GTF2IRD1: variants seen among roughly 807,000 people sequenced by gnomAD.
The protein encoded by GTF2IRD1 is general transcription factor II-I repeat domain-containing protein 1.
In GTF2IRD1, 26 loss-of-function variants were observed where a neutral mutation model predicts 113.2. That is an observed-to-expected ratio of 0.23 (90% confidence interval 0.17 to 0.32). GTF2IRD1 has a LOEUF of 0.32. GTF2IRD1 is among the 10% of genes least tolerant of loss of function. The pLI, the probability that GTF2IRD1 is intolerant of heterozygous loss-of-function variation, is 1.00. For missense variants in GTF2IRD1, 864 were observed against 1,280.8 expected, an observed-to-expected ratio of 0.67 and a Z score of 4.97; for synonymous variants, 484 against 529.1, an observed-to-expected ratio of 0.91 and a Z score of 1.17.
At chr7:74,473,166 C>T (rs1794205671) in intron 1 of GTF2IRD1, among the ~76,000 whole-genome samples, 2 of 152,140 alleles carry the variant, frequency 1.3e-5, no homozygotes, top group African/African-American at 4.8e-5. Flanking sequence ...CAGGTAGATC[C>T]CAGCAAATGC....
chr7:74,476,366 C>CATTTTTTTTTTT, intron 1 of GTF2IRD1, among the ~76,000 whole-genome samples: 1 of 122,166 alleles, frequency 8.2e-6, no homozygotes, highest in South Asian at 2.6e-4. Context: ...TCTGAACCTC[C>CATTTTTTTTTTT]TTTTTTTTTT....
chr7:74,490,661 G>A (rs1554336503), intron 1 of GTF2IRD1, among the ~76,000 whole-genome samples: 1 of 152,024 alleles, frequency 6.6e-6, no homozygotes, highest in East Asian at 1.9e-4. Context: ...TGTTTGGGTG[G>A]GGTGTGTGCC....
Position 74,558,936 on chromosome 7 carries a change from T to C in GTF2IRD1, c.2183T>C (p.Ile728Thr). ...RIKSNPGSVI[I>T]EGLPPGIPFR... Reference sequence around the variant, plus strand: ...AAGAGTAACCCCGGCTCCGTGATCATCGAGGGGCTGCCCCCAGGAATCCCG... The same window carrying C: ...AAGAGTAACCCCGGCTCCGTGATCACCGAGGGGCTGCCCCCAGGAATCCCG... The change falls in exon 21 of 27, where the codon ATC (isoleucine) becomes ACC (threonine). Residue 728 changes from isoleucine (I) to threonine (T), a missense_variant. Ile to Thr is a moderately conservative substitution (Grantham distance 89, BLOSUM62 -1). Transcript: ENST00000424337. 6.2e-7 allele frequency: 1 copy of C among 1,614,054 alleles called. No homozygotes were observed. Among genetic ancestry groups the C allele is most frequent in the East Asian group, 2.2e-5 (1 of 44,852 alleles).
intron 6 of GTF2IRD1, 130 bp from the exon 7 acceptor site, chr7:74,521,078 G>A: frequency 3.3e-6 from 2 of 601,866 alleles, no homozygotes; most frequent in Non-Finnish European, 5.9e-6. Context: ...TGTGATCACA[G>A]GAATCAGTTA....
Position 74,461,874 on chromosome 7 carries a change from C to T in GTF2IRD1, c.-7+7698C>T, listed in dbSNP as rs574667201. Among the ~76,000 whole-genome samples the T allele has an allele frequency of 3.3e-5, 5 of 152,234 alleles. No individual in the cohort carries two copies. The South Asian group carries it at 8.3e-4, about 25-fold the overall frequency. Reference sequence around the variant, plus strand: ...GATTACAGGCGTGAGCCACTGTGTCCGGCCCCACTTTATATTTTATTAAAA... The same window carrying T: ...GATTACAGGCGTGAGCCACTGTGTCTGGCCCCACTTTATATTTTATTAAAA... On this transcript the variant is annotated intron_variant, in intron 1 of 26. Transcript: ENST00000424337.
chr7:74,520,624 C>T (rs1016850435), intron 6 of GTF2IRD1, among the ~76,000 whole-genome samples: 3 of 151,602 alleles, frequency 2.0e-5, no homozygotes, highest in African/African-American at 7.3e-5. Flanking sequence ...CCAATGTGCT[C>T]AAGTTTGAGA....
At chr7:74,571,968 A>G (rs1420952187) in intron 22 of GTF2IRD1, among the ~76,000 whole-genome samples, 1 of 152,198 alleles carries the variant, frequency 6.6e-6, no homozygotes, top group Non-Finnish European at 1.5e-5. Context: ...GCTGTGGGTG[A>G]AATGCCTGCC....
intron 1 of GTF2IRD1, among the ~76,000 whole-genome samples, chr7:74,485,509 C>T (rs1021020596): frequency 6.6e-6 from 1 of 151,934 alleles, no homozygotes; most frequent in African/African-American, 2.4e-5. Context: ...CCCAGCTACT[C>T]GGGAGGCTGA....
At chr7:74,473,083 A>T (rs1554332787) in intron 1 of GTF2IRD1, among the ~76,000 whole-genome samples, 1 of 152,160 alleles carries the variant, frequency 6.6e-6, no homozygotes, top group African/African-American at 2.4e-5. Context: ...CAGACAGGAG[A>T]ACAGAGCACT....
At chr7:74,494,592 C>T (rs901320791) in intron 1 of GTF2IRD1, among the ~76,000 whole-genome samples, 9 of 152,294 alleles carry the variant, frequency 5.9e-5, no homozygotes, top group African/African-American at 1.9e-4. Context: ...AATTAGATGA[C>T]ACCACTTGTT....
chr7:74,590,962 G>C lies in GTF2IRD1; in HGVS notation c.2536G>C (p.Glu846Gln). 1 of 1,613,568 alleles carries C rather than the reference G, an allele frequency of 6.2e-7. No homozygotes were observed. Among genetic ancestry groups the C allele is most frequent in the Non-Finnish European group, 8.5e-7 (1 of 1,179,970 alleles). ...CAACACGTACGACATCCACCGGCTG[G>C]AGAAGATCCTGAAGGCCCGAGAGCA... ...NPNTYDIHRLEKILKAREHVR... is the reference protein window; with the variant it reads ...NPNTYDIHRLQKILKAREHVR... The change falls in exon 24 of 27, where the codon GAG (glutamate) becomes CAG (glutamine). Residue 846 changes from glutamate (E) to glutamine (Q), a missense_variant. This residue lies in a region of GTF2IRD1 where 195 missense variants were observed against 359.1 expected (regional missense o/e 0.54). Transcript: ENST00000424337.
chr7:74,584,778 T>C (rs1801619601), intron 22 of GTF2IRD1, among the ~76,000 whole-genome samples: 1 of 152,062 alleles, frequency 6.6e-6, no homozygotes, highest in Admixed American at 6.6e-5. Flanking sequence ...GGGTCCCATG[T>C]TTTTTGTTTG....
intron 8 of GTF2IRD1, among the ~76,000 whole-genome samples, chr7:74,529,193 T>C (rs1398497462): frequency 1.3e-5 from 2 of 151,740 alleles, no homozygotes; most frequent in Non-Finnish European, 2.9e-5. Context: ...AGGCCAGAGG[T>C]GATGAAGTCA....
Position 74,590,969 on chromosome 7 carries a change from T to A in GTF2IRD1, c.2543T>A (p.Ile848Asn). The change falls in exon 24 of 27, where the codon ATC (isoleucine) becomes AAC (asparagine). Residue 848 changes from isoleucine to asparagine, a missense_variant. Ile to Asn is a moderately radical substitution (Grantham distance 149). Coordinates refer to ENST00000424337, the MANE Select transcript of GTF2IRD1 (RefSeq NM_005685.4). ...TACGACATCCACCGGCTGGAGAAGATCCTGAAGGCCCGAGAGCATGTCCGC... is the reference window on the plus strand; with the variant it reads ...TACGACATCCACCGGCTGGAGAAGAACCTGAAGGCCCGAGAGCATGTCCGC... ...NTYDIHRLEK[I>N]LKAREHVRMV... 6.2e-7 allele frequency: 1 copy of A among 1,613,316 alleles called. No individual in the cohort carries two copies. Among genetic ancestry groups the A allele is most frequent in the Non-Finnish European group, 8.5e-7 (1 of 1,179,948 alleles).
intron 22 of GTF2IRD1, among the ~76,000 whole-genome samples, chr7:74,579,360 G>A (rs1398242910): frequency 6.6e-6 from 1 of 152,124 alleles, no homozygotes; most frequent in Non-Finnish European, 1.5e-5. Flanking sequence ...GCTCATGCCC[G>A]TAATCCCAGC....
intron 1 of GTF2IRD1, among the ~76,000 whole-genome samples, chr7:74,500,581 G>A (rs1037427713): frequency 6.7e-6 from 1 of 150,012 alleles, no homozygotes; most frequent in African/African-American, 2.5e-5. Context: ...GGCTGAGGTT[G>A]TTCGTGTATG....
At chr7:74,579,392 C>A (rs1477530083) in intron 22 of GTF2IRD1, among the ~76,000 whole-genome samples, 2 of 152,006 alleles carry the variant, frequency 1.3e-5, no homozygotes, top group Admixed American at 6.6e-5. Flanking sequence ...CCGAGGCAGG[C>A]GGATCACCTG....
At chr7:74,598,726 C>G (rs1802568947) in intron 25 of GTF2IRD1, among the ~76,000 whole-genome samples, 1 of 152,118 alleles carries the variant, frequency 6.6e-6, no homozygotes. Context: ...ATCCACCACT[C>G]CCTCCAATGT....
In GTF2IRD1 at chr7:74,598,472, C is replaced by T. The variant is rs377591950; in HGVS notation, c.2630-2572C>T. Among the ~76,000 whole-genome samples the T allele has an allele frequency of 1.7e-4, 26 of 151,758 alleles. No homozygotes were observed. The East Asian group carries it at 4.1e-3, about 24-fold the overall frequency. On this transcript the variant is annotated intron_variant, in intron 25 of 26. Transcript: ENST00000424337. ...AAAATCCAAAAAAAAAAAAATTAGC[C>T]GGGGGTGGTGGTGGGCGCCTGTAAT...
Sources: allele counts gnomAD v4.1 joint callset (sites outside exome capture counted in the v4.1 genomes callset), GRCh38; gene constraint gnomAD v4.1.1; regional missense constraint gnomAD v4.1.1; transcripts MANE v1.5; gene names NCBI Gene and HGNC (gene_info 2026-07-23, HGNC 2026-07-21).